The following MICALL2 variants were observed in gnomAD, a reference collection of about 807,000 sequenced individuals.
MICALL2 encodes MICAL like 2.
A neutral mutation model predicts 91.1 loss-of-function variants in MICALL2; 111 were observed. That is an observed-to-expected ratio of 1.22 (90% CI 1.04 to 1.43). The LOEUF (loss-of-function observed/expected upper bound fraction) is 1.43. Ranked by LOEUF, MICALL2 falls within the 40% of genes most tolerant of loss-of-function variation. The pLI is 0.00. For synonymous variants in MICALL2, 694 were observed against 525.3 expected (o/e 1.32, Z -4.39); for missense variants, 1,556 against 1,236.0 (o/e 1.26, Z -3.88).
Position 1,439,237 on chromosome 7 carries a change from C to T in MICALL2, c.1967-242G>A, listed in dbSNP as rs10265192. On this transcript the variant is annotated intron_variant, in intron 9 of 16. Transcript: ENST00000297508. ...GCTCAAGGTCACACAGGAAGTGGCA[C>T]GAGAGCTGGATATGGATCCAGGGCA... 120 of 514,918 alleles carry T rather than the reference C, an allele frequency of 2.3e-4. 1 individual carries two copies. Among genetic ancestry groups the T allele is most frequent in the African/African-American group, 1.8e-3 (94 of 51,956 alleles). 31.9% of individuals were successfully genotyped at this position (514,918 alleles called of 1,614,324 possible). A position where few individuals can be genotyped will look rare whatever the true frequency, so the allele number is the denominator to read the frequency against.
rs544523440 is a variant in MICALL2 at position 1,438,154 on chromosome 7, C to A, written c.2254G>T (p.Asp752Tyr). ...TCCACGCCGCGGAGCTCCAGGGCGT[C>A]CAGCCGCCTCTCGATGTCCTGCAGC... The part of the protein sequence containing the change: ...RQLQDIERRL[D>Y]ALELRGVELE... The change falls in exon 12 of 17, where the codon GAC (aspartate) becomes TAC (tyrosine). Residue 752 changes from aspartate to tyrosine, a missense_variant. Transcript: ENST00000297508. The A allele has an allele frequency of 6.4e-7, 1 of 1,562,124 alleles. No homozygotes were observed. The highest frequency in any genetic ancestry group is 1.2e-5 in the South Asian group (1 of 85,094).
In MICALL2 at chr7:1,438,092, C is replaced by G. The variant is rs1433813820; in HGVS notation, c.2311+5G>C. 5 of 1,569,960 alleles carry G rather than the reference C, an allele frequency of 3.2e-6. No homozygotes were observed. The Admixed American group carries it at 7.5e-5, about 24-fold the overall frequency. On this transcript the variant is annotated splice_donor_5th_base_variant and intron_variant, in intron 12 of 16. Coordinates refer to ENST00000297508, the MANE Select transcript of MICALL2 (RefSeq NM_182924.4). ...GCTGGCCCAGGGCCAGGCCGAGGCG[C>G]TCACCTCCCTCGGCCGCCCGCAGTC...
rs1780811211 is a variant in MICALL2 at position 1,451,124 on chromosome 7, GT to G, written c.144-837del. Reference sequence around the variant, plus strand: ...CACACTACACCACAGGGATGCAAGGGTCCCGGGAAGTTCCCGAGGTGAGGTC... The same window carrying G: ...CACACTACACCACAGGGATGCAAGGGCCCGGGAAGTTCCCGAGGTGAGGTC... On this transcript the variant is annotated intron_variant, in intron 1 of 16. Transcript: ENST00000297508. The surrounding 1 kb of genome is among the most constrained non-coding windows in gnomAD (Gnocchi z 4.5). 6.6e-6 allele frequency among the ~76,000 whole-genome samples: 1 copy of G among 152,170 alleles called. No homozygotes were observed. Among genetic ancestry groups the G allele is most frequent in the Admixed American group, 6.5e-5 (1 of 15,268 alleles).
rs1185406701 is a variant in MICALL2, at chr7:1,452,353, A to C, written c.144-2065T>G. 6.6e-6 allele frequency among the ~76,000 whole-genome samples: 1 copy of C among 151,050 alleles called. No homozygotes were observed. Among genetic ancestry groups the C allele is most frequent in the Non-Finnish European group, 1.5e-5 (1 of 67,838 alleles). Reference sequence around the variant, plus strand: ...CCCGAGGGCACGTGGGTGGCTGTCTATGCCCAGGGACTCTGCAGCCATGCT... The same window carrying C: ...CCCGAGGGCACGTGGGTGGCTGTCTCTGCCCAGGGACTCTGCAGCCATGCT... On this transcript the variant is annotated intron_variant, in intron 1 of 16. Coordinates refer to ENST00000297508, the MANE Select transcript of MICALL2 (RefSeq NM_182924.4). This position sits in a 1 kb window ranked among gnomAD's most constrained non-coding sequence, Gnocchi z 6.2.
chr7:1,438,810 C>G, intron 10 of MICALL2, 30 bp downstream of exon 10: 1 of 1,577,720 alleles, frequency 6.3e-7, no homozygotes, highest in Non-Finnish European at 8.6e-7. Flanking sequence ...CACGTACACC[C>G]CAAACAGCAG....
intron 8 of MICALL2, 153 bp downstream of exon 8, chr7:1,440,438 T>C (rs924632094): frequency 1.4e-6 from 1 of 712,476 alleles, no homozygotes; most frequent in Admixed American, 2.3e-5. Context: ...GCGGCCCCCA[T>C]GTCCCTCAGG....
At chr7:1,447,463 C>T (rs1780650493) in intron 4 of MICALL2, 112 bp downstream of exon 4, 1 of 655,934 alleles carries the variant, frequency 1.5e-6, no homozygotes, top group Non-Finnish European at 2.6e-6. Flanking sequence ...GGGGGAGCCG[C>T]ACCCCACTCT....
chr7:1,436,289 G>A (rs933392473), intron 15 of MICALL2, among the ~76,000 whole-genome samples: 7 of 152,008 alleles, frequency 4.6e-5, no homozygotes, highest in East Asian at 3.9e-4. Context: ...GGCTGAGGCA[G>A]GAGAATCGCT....
intron 10 of MICALL2, 29 bp from the exon 11 acceptor site, chr7:1,438,382 G>T: frequency 6.3e-7 from 1 of 1,583,364 alleles, no homozygotes; most frequent in Non-Finnish European, 8.6e-7. Flanking sequence ...GAGCCTCTGG[G>T]ACCTGGGCCA....
At chr7:1,453,482 C>G (rs1026956689) in intron 1 of MICALL2, among the ~76,000 whole-genome samples, 2 of 152,136 alleles carry the variant, frequency 1.3e-5, no homozygotes, top group Non-Finnish European at 2.9e-5. Context: ...CGTTGGCCTG[C>G]AGAACTGCGG....
At chr7:1,459,149 A>T (rs749702358) in intron 1 of MICALL2, 35 bp downstream of exon 1, 1 of 1,583,394 alleles carries the variant, frequency 6.3e-7, no homozygotes, top group East Asian at 2.3e-5. Context: ...GCAGCCGAAC[A>T]GCAGAAGAAT....
chr7:1,447,669 G>T lies in MICALL2; in HGVS notation c.431C>A (p.Pro144His), dbSNP rs773065348. ...APVQAAKLPS[P>H]APARKPPLSP... ...TAGTGGAGGCTTCCGGGCTGGGGCGGGCGAGGGCAGCTTGGCCGCCTGGAC... is the reference window on the plus strand; with the variant it reads ...TAGTGGAGGCTTCCGGGCTGGGGCGTGCGAGGGCAGCTTGGCCGCCTGGAC... Residue 144 changes from proline to histidine, a missense_variant, in exon 4 of 17, where the codon CCC becomes CAC. Transcript: ENST00000297508. 6.3e-7 allele frequency: 1 copy of T among 1,587,240 alleles called. No homozygotes were observed. Among genetic ancestry groups the T allele is most frequent in the South Asian group, 1.1e-5 (1 of 87,008 alleles).
At chr7:1,441,334 C>T (rs1014905766) in intron 7 of MICALL2, 13 of 153,444 alleles carry the variant, frequency 8.5e-5, no homozygotes, top group Middle Eastern at 3.1e-3. Flanking sequence ...CAGCTCACTG[C>T]GTAGCCTGGC....
rs1353575362 is a variant in MICALL2, at chr7:1,452,238, T to A, written c.144-1950A>T. Among the ~76,000 whole-genome samples the A allele has an allele frequency of 2.6e-4, 39 of 152,124 alleles. No individual in the cohort carries two copies. Among genetic ancestry groups the A allele is most frequent in the Admixed American group, 2.6e-3 (39 of 15,272 alleles). Reference sequence around the variant, plus strand: ...GACAGATGACGAGGAGCCCCCTCCCTGGGCTCAGTGGCAGCGAAAGCGGTT... The same window carrying A: ...GACAGATGACGAGGAGCCCCCTCCCAGGGCTCAGTGGCAGCGAAAGCGGTT... On this transcript the variant is annotated intron_variant, in intron 1 of 16. Coordinates refer to ENST00000297508, the MANE Select transcript of MICALL2 (RefSeq NM_182924.4). The surrounding 1 kb of genome is among the most constrained non-coding windows in gnomAD (Gnocchi z 6.2).
chr7:1,442,086 G>A, intron 7 of MICALL2, 106 bp downstream of exon 7: 2 of 1,273,992 alleles, frequency 1.6e-6, no homozygotes, highest in South Asian at 1.4e-5. Context: ...GGAGAGGAAG[G>A]CGGGCGGGGC....
At position 1,444,827 on chromosome 7, in the gene MICALL2, G is replaced by T; in HGVS notation, c.1243C>A (p.Gln415Lys). Reference sequence around the variant, plus strand: ...GTTTGGAAAAACTTATTCCGGGCCTGCTGGGTCCTGGAGGCGGACGGGGTC... The same window carrying T: ...GTTTGGAAAAACTTATTCCGGGCCTTCTGGGTCCTGGAGGCGGACGGGGTC... ...AWTPSASRTQ[Q>K]ARNKFFQTSA... The change falls in exon 6 of 17, where the codon CAG (glutamine) becomes AAG (lysine). Residue 415 changes from glutamine to lysine, a missense_variant. Transcript: ENST00000297508. 1.2e-6 allele frequency: 2 copies of T among 1,609,950 alleles called. No homozygotes were observed. Among genetic ancestry groups the T allele is most frequent in the Non-Finnish European group, 8.5e-7 (1 of 1,178,908 alleles).
chr7:1,444,384 C>T (rs1333716475), intron 6 of MICALL2, among the ~76,000 whole-genome samples: 3 of 152,214 alleles, frequency 2.0e-5, no homozygotes, highest in African/African-American at 4.8e-5. Context: ...GGCCCCGGAG[C>T]GGCAGCGCCA....
At chr7:1,441,909 G>A (rs1780298303) in intron 7 of MICALL2, 1 of 496,610 alleles carries the variant, frequency 2.0e-6, no homozygotes. Flanking sequence ...ACCGAGCTGA[G>A]CGGGACGCTG....
At chr7:1,444,618 C>T (rs1780473015) in intron 6 of MICALL2, 34 bp downstream of exon 6, 2 of 1,587,704 alleles carry the variant, frequency 1.3e-6, no homozygotes, top group South Asian at 2.2e-5. Context: ...GCAAAGAGGC[C>T]ATACCCGGGG....
Sources: gnomAD v4.1 joint callset for allele counts (sites outside exome capture counted in the v4.1 genomes callset) on GRCh38, gnomAD v4.1.1 for gene constraint, Gnocchi (gnomAD v3.1) non-coding constraint, MANE v1.5 for transcripts, NCBI Gene and HGNC (gene_info 2026-07-23, HGNC 2026-07-21) for gene names.